The following DCAF1 variants were observed in gnomAD, a reference collection of about 807,000 sequenced individuals.
DCAF1 encodes DDB1- and CUL4-associated factor 1.
In DCAF1, 15 loss-of-function variants were observed where a neutral mutation model predicts 128.0. That is an observed-to-expected ratio of 0.12 (90% CI 0.08 to 0.18). DCAF1 has a LOEUF of 0.18. Ranked by LOEUF, DCAF1 falls within the 10% of genes least tolerant of loss-of-function variation. The pLI, the probability that DCAF1 is intolerant of heterozygous loss-of-function variation, is 1.00. For missense variants in DCAF1, 988 were observed against 1,649.5 expected (o/e 0.60, Z 6.95); for synonymous variants, 610 against 603.0 (o/e 1.01, Z -0.17).
intron 4 of DCAF1, among the ~76,000 whole-genome samples, chr3:51,470,368 T>C (rs1422160868): frequency 2.6e-5 from 4 of 152,082 alleles, no homozygotes; most frequent in African/African-American, 9.7e-5. Flanking sequence ...CGAGACCAAC[T>C]TGGGCAGCAA....
intron 3 of DCAF1, among the ~76,000 whole-genome samples, chr3:51,481,728 C>T (rs1437057937): frequency 2.6e-5 from 4 of 151,936 alleles, no homozygotes; most frequent in South Asian, 2.1e-4. Flanking sequence ...CAGTGGCTCA[C>T]GCCTGTAATC....
intron 2 of DCAF1, among the ~76,000 whole-genome samples, chr3:51,488,714 A>C (rs1707266629): frequency 6.6e-6 from 1 of 152,090 alleles, no homozygotes; most frequent in African/African-American, 2.4e-5. Context: ...GAGGCAGGAG[A>C]ATCGCTTGAA....
chr3:51,409,411 T>A (rs1265045419), intron 23 of DCAF1, among the ~76,000 whole-genome samples: 1 of 151,996 alleles, frequency 6.6e-6, no homozygotes, highest in Non-Finnish European at 1.5e-5. Flanking sequence ...GACCTCCCCC[T>A]CAAAGACAGA....
At chr3:51,434,116 T>C (rs1233490387) in intron 9 of DCAF1, among the ~76,000 whole-genome samples, 2 of 149,406 alleles carry the variant, frequency 1.3e-5, no homozygotes, top group East Asian at 4.0e-4. Flanking sequence ...TAAGTAATGA[T>C]ATTGGTCAGG....
intron 10 of DCAF1, among the ~76,000 whole-genome samples, chr3:51,431,995 G>A (rs553906453): frequency 4.6e-5 from 7 of 151,282 alleles, no homozygotes; most frequent in African/African-American, 1.2e-4. Flanking sequence ...AAAAAAGGCC[G>A]GGCATGGTGG....
At chr3:51,480,362 T>C (rs1706025366) in intron 3 of DCAF1, among the ~76,000 whole-genome samples, 1 of 151,854 alleles carries the variant, frequency 6.6e-6, no homozygotes, top group Non-Finnish European at 1.5e-5. Context: ...TTTGGGAGGC[T>C]GAGGTGGGCG....
chr3:51,414,999 C>A, intron 18 of DCAF1, 142 bp from the exon 19 acceptor site: 1 of 1,331,924 alleles, frequency 7.5e-7, no homozygotes, highest in Non-Finnish European at 1.0e-6. Flanking sequence ...ATACTGCCTC[C>A]CAAAGTGCTG....
At chr3:51,497,235 C>T (rs1241550045) in intron 1 of DCAF1, among the ~76,000 whole-genome samples, 5 of 152,126 alleles carry the variant, frequency 3.3e-5, no homozygotes, top group African/African-American at 4.8e-5. Flanking sequence ...GCAGAGGTTA[C>T]AGTGGGCAAA....
chr3:51,457,895 C>T (rs1311467287), intron 6 of DCAF1, among the ~76,000 whole-genome samples: 1 of 152,166 alleles, frequency 6.6e-6, no homozygotes, highest in Non-Finnish European at 1.5e-5. Context: ...GCCTGCCTTA[C>T]AAGAGCTCCT....
At chr3:51,464,643 G>C (rs1415638526) in intron 5 of DCAF1, among the ~76,000 whole-genome samples, 1 of 151,126 alleles carries the variant, frequency 6.6e-6, no homozygotes, top group Non-Finnish European at 1.5e-5. Flanking sequence ...TGCAGTGAGT[G>C]ATCGTACTAA....
chr3:51,454,864 G>A lies in DCAF1; in HGVS notation c.375+8250C>T, dbSNP rs1191064729. ...AATTTTTTGTATTTTTAGTAGAGAC[G>A]GGGTTTCACTGTGTTAGCCAGGATG... On this transcript the variant is annotated intron_variant, in intron 6 of 24. Transcript: ENST00000684031. 9.2e-5 allele frequency among the ~76,000 whole-genome samples: 14 copies of A among 151,770 alleles called. No homozygotes were observed. In the South Asian group the frequency reaches 2.9e-3, roughly 32 times the overall value.
At chr3:51,460,237 A>G (rs1703394363) in intron 6 of DCAF1, among the ~76,000 whole-genome samples, 1 of 152,190 alleles carries the variant, frequency 6.6e-6, no homozygotes. Context: ...ATGTACAAAA[A>G]TCACAAGCAT....
At chr3:51,412,277 T>C in intron 23 of DCAF1, 102 bp downstream of exon 23, 1 of 1,518,824 alleles carries the variant, frequency 6.6e-7, no homozygotes, top group Non-Finnish European at 8.9e-7. Flanking sequence ...TGGCAACAGG[T>C]AGCAAAGGTT....
intron 6 of DCAF1, among the ~76,000 whole-genome samples, chr3:51,448,816 A>T (rs985063700): frequency 7.2e-5 from 11 of 152,172 alleles, no homozygotes; most frequent in African/African-American, 2.7e-4. Flanking sequence ...CAACACTATA[A>T]GCCATTGAAC....
chr3:51,442,093 A>G (rs1215207839), intron 7 of DCAF1, among the ~76,000 whole-genome samples, 196 bp from the exon 8 acceptor site: 1 of 152,198 alleles, frequency 6.6e-6, no homozygotes, highest in African/African-American at 2.4e-5. Context: ...ATTGTTCCTC[A>G]TAAAATTTTC....
At chr3:51,473,393 G>T in intron 3 of DCAF1, among the ~76,000 whole-genome samples, 1 of 135,564 alleles carries the variant, frequency 7.4e-6, no homozygotes, top group Admixed American at 8.0e-5. Context: ...ACTCTCCTAT[G>T]TGCTTATTTC....
chr3:51,409,547 G>C (rs1206876687), intron 23 of DCAF1, among the ~76,000 whole-genome samples: 3 of 152,208 alleles, frequency 2.0e-5, no homozygotes, highest in Non-Finnish European at 4.4e-5. Flanking sequence ...TTTGGCCTCA[G>C]ATTTATGCTT....
intron 23 of DCAF1, among the ~76,000 whole-genome samples, chr3:51,409,092 A>G (rs907742700): frequency 7.2e-5 from 11 of 152,124 alleles, no homozygotes; most frequent in African/African-American, 1.9e-4. Flanking sequence ...CATCCAAGTC[A>G]AAAGTCCTGA....
In DCAF1 at chr3:51,441,381, T is replaced by C. The variant is rs2107687045; in HGVS notation, c.1026+4A>G. On this transcript the variant is annotated splice_donor_region_variant and intron_variant, in intron 8 of 24. Coordinates refer to ENST00000684031, the MANE Select transcript of DCAF1 (RefSeq NM_001387579.1). ...GTGAACAGTACTCTTCCCAATAAGC[T>C]TACCTCCTGATATTCTCCTAGAGGG... 6.2e-7 allele frequency: 1 copy of C among 1,610,582 alleles called. No homozygotes were observed. Among genetic ancestry groups the C allele is most frequent in the Non-Finnish European group, 8.5e-7 (1 of 1,178,148 alleles).
Sources: allele counts gnomAD v4.1 joint callset (sites outside exome capture counted in the v4.1 genomes callset), GRCh38; gene constraint gnomAD v4.1.1; transcripts MANE v1.5; gene names NCBI Gene and HGNC (gene_info 2026-07-23, HGNC 2026-07-21).